Variants in ANKRD31 observed in about 807,000 individuals in gnomAD.
The protein encoded by ANKRD31 is ankyrin repeat domain 31, also known as ankyrin repeat domain-containing protein 31.
ANKRD31 carries 147 observed loss-of-function variants against 186.0 expected under a neutral mutation model. The ratio of observed to expected loss-of-function variants is 0.79; its 90% CI spans 0.69 to 0.91. ANKRD31 has a LOEUF of 0.91. ANKRD31 is among the 40% of genes least tolerant of loss of function. ANKRD31 has a pLI of 0.00. For synonymous variants in ANKRD31, 673 were observed against 736.4 expected, an observed-to-expected ratio of 0.91 and a Z score of 1.39; for missense variants, 1,986 against 2,148.8, an observed-to-expected ratio of 0.92 and a Z score of 1.50.
intron 25 of ANKRD31, among the ~76,000 whole-genome samples, chr5:75,078,554 G>A (rs1744841770): frequency 6.6e-6 from 1 of 152,018 alleles, no homozygotes; most frequent in Admixed American, 6.6e-5. Flanking sequence ...AAGACTTCAG[G>A]TGATACTTTT....
chr5:75,226,446 G>T (rs1757633714), intron 2 of ANKRD31, among the ~76,000 whole-genome samples: 1 of 152,130 alleles, frequency 6.6e-6, no homozygotes, highest in Admixed American at 6.5e-5. Context: ...AGTACTTTAG[G>T]TCTGTCCCAG....
intron 15 of ANKRD31, among the ~76,000 whole-genome samples, chr5:75,142,097 A>C (rs1339533562): frequency 6.6e-6 from 1 of 152,168 alleles, no homozygotes; most frequent in African/African-American, 2.4e-5. Flanking sequence ...TAATGCTATT[A>C]AATACTTAGA....
At chr5:75,115,580 C>T (rs1038073559) in intron 19 of ANKRD31, among the ~76,000 whole-genome samples, 1 of 151,476 alleles carries the variant, frequency 6.6e-6, no homozygotes, top group Non-Finnish European at 1.5e-5. Context: ...CAAACAACCC[C>T]ATCAAAAAGT....
At chr5:75,100,063 G>A (rs1316138502) in intron 22 of ANKRD31, among the ~76,000 whole-genome samples, 1 of 152,118 alleles carries the variant, frequency 6.6e-6, no homozygotes, top group Non-Finnish European at 1.5e-5. Context: ...GGCATTTAGT[G>A]CTATAAATTT....
chr5:75,124,209 A>G (rs1385249735), intron 17 of ANKRD31, among the ~76,000 whole-genome samples: 1 of 152,216 alleles, frequency 6.6e-6, no homozygotes, highest in Non-Finnish European at 1.5e-5. Context: ...TAATCATCAG[A>G]GAAATGTTAA....
At chr5:75,201,336 T>C (rs562080304) in intron 5 of ANKRD31, among the ~76,000 whole-genome samples, 9 of 152,218 alleles carry the variant, frequency 5.9e-5, no homozygotes, top group Non-Finnish European at 1.0e-4. Flanking sequence ...GAATTATTCC[T>C]GTCAACAAGT....
chr5:75,203,118 C>T (rs971560830), intron 5 of ANKRD31, among the ~76,000 whole-genome samples: 2 of 152,048 alleles, frequency 1.3e-5, no homozygotes, highest in South Asian at 4.1e-4. Context: ...GGCCATGTGG[C>T]ACTTTTGAAG....
At chr5:75,230,274 T>C (rs1757871103) in intron 2 of ANKRD31, among the ~76,000 whole-genome samples, 1 of 152,224 alleles carries the variant, frequency 6.6e-6, no homozygotes, top group Admixed American at 6.5e-5. Context: ...AACAATTATG[T>C]TACTTGTTTG....
intron 3 of ANKRD31, among the ~76,000 whole-genome samples, chr5:75,218,730 C>T (rs973183405): frequency 5.3e-5 from 8 of 152,098 alleles, no homozygotes; most frequent in African/African-American, 1.7e-4. Context: ...AATGTGAATT[C>T]GCACAACAAA....
intron 4 of ANKRD31, among the ~76,000 whole-genome samples, chr5:75,210,192 G>A (rs1017839790): frequency 2.0e-5 from 3 of 151,882 alleles, no homozygotes; most frequent in Admixed American, 6.6e-5. Context: ...TCTTGCTTTC[G>A]AGACAGAGTC....
At chr5:75,085,430 G>C (rs1992589) in intron 23 of ANKRD31, among the ~76,000 whole-genome samples, 13,178 of 151,498 alleles carry the variant, frequency 0.087, 1,491 homozygotes, top group African/African-American at 0.26. Flanking sequence ...GCAGCACACT[G>C]GCATGATCTT....
rs914809652 is a variant in ANKRD31 at position 75,092,083 on chromosome 5, G to A, written c.5332-682C>T. On this transcript the variant is annotated intron_variant, in intron 22 of 25. Coordinates refer to ENST00000506364, the MANE Select transcript of ANKRD31 (RefSeq NM_001372053.1). ...CCTCAGCTCCAGGGCCATGGCTCAG[G>A]GATTCTGCCTGAGAAGAGAAGCAAG... Among the ~76,000 whole-genome samples, 8 of 152,156 alleles carry A rather than the reference G, an allele frequency of 5.3e-5. 1 individual carries two copies. The highest frequency in any genetic ancestry group is 1.2e-4 in the Non-Finnish European group (8 of 68,032).
At chr5:75,143,327 A>G (rs947743393) in intron 15 of ANKRD31, among the ~76,000 whole-genome samples, 1 of 152,160 alleles carries the variant, frequency 6.6e-6, no homozygotes, top group Admixed American at 6.6e-5. Context: ...AATAGTCACA[A>G]ACTACAGGGA....
In ANKRD31 at chr5:75,145,992, T is replaced by A; in HGVS notation, c.3419A>T (p.Lys1140Ile). 1 of 1,476,834 alleles carries A rather than the reference T, an allele frequency of 6.8e-7. No homozygotes were observed. The highest frequency in any genetic ancestry group is 8.9e-7 in the Non-Finnish European group (1 of 1,120,660). 91.5% of individuals were successfully genotyped at this position (1,476,834 alleles called of 1,614,324 possible). A position where few individuals can be genotyped will look rare whatever the true frequency, so the allele number is the denominator to read the frequency against. The change falls in exon 14 of 26, where the codon AAA becomes ATA. Residue 1140 changes from lysine (K) to isoleucine (I), a missense_variant. Lys to Ile is a moderately radical substitution (Grantham distance 102). Transcript: ENST00000506364. The stretch of plus-strand genomic sequence containing the variant: ...TTAAGCAATATTACTAATACCTGGT[T>A]TGTGAGAAATTTCCTTCTTTTCTCT... ...SQREKKEISHKPDEELTNNIS... is the reference protein window; with the variant it reads ...SQREKKEISHIPDEELTNNIS...
chr5:75,115,100 G>A (rs1281125852), intron 19 of ANKRD31, among the ~76,000 whole-genome samples: 1 of 151,360 alleles, frequency 6.6e-6, no homozygotes, highest in Non-Finnish European at 1.5e-5. Flanking sequence ...CAGAAATAAC[G>A]CTGCATATCT....
At chr5:75,203,750 C>T (rs1480877679) in intron 5 of ANKRD31, among the ~76,000 whole-genome samples, 2 of 151,768 alleles carry the variant, frequency 1.3e-5, no homozygotes, top group East Asian at 3.9e-4. Flanking sequence ...TTATCCATGA[C>T]ACCTCTGTCT....
At chr5:75,166,578 T>C (rs1752941463) in intron 11 of ANKRD31, among the ~76,000 whole-genome samples, 1 of 152,142 alleles carries the variant, frequency 6.6e-6, no homozygotes, top group South Asian at 2.1e-4. Context: ...AATCCCCAAA[T>C]CAATGCCAAC....
chr5:75,190,518 C>T (rs990624366), intron 9 of ANKRD31, among the ~76,000 whole-genome samples: 1 of 151,994 alleles, frequency 6.6e-6, no homozygotes. Flanking sequence ...GTAGAATTCA[C>T]CTCTGAAGGT....
rs1387291625 is a variant in ANKRD31 at position 75,195,600 on chromosome 5, G to C, written c.1017+31C>G. 2.1e-6 allele frequency: 3 copies of C among 1,457,588 alleles called. No individual in the cohort carries two copies. The African/African-American group carries it at 4.2e-5, about 21-fold the overall frequency. 90.3% of individuals were successfully genotyped at this position (1,457,588 alleles called of 1,614,324 possible). A position where few individuals can be genotyped will look rare whatever the true frequency, so the allele number is the denominator to read the frequency against. ...GCTAACTTGGAACCATGTTCAAATG[G>C]TGGAGTAGAACAAAGAAATTCAAAA... On this transcript the variant is annotated intron_variant, in intron 7 of 25. Coordinates refer to ENST00000506364, the MANE Select transcript of ANKRD31 (RefSeq NM_001372053.1).
Sources: gnomAD v4.1 joint callset for allele counts (sites outside exome capture counted in the v4.1 genomes callset) on GRCh38, gnomAD v4.1.1 for gene constraint, MANE v1.5 for transcripts, NCBI Gene and HGNC (gene_info 2026-07-23, HGNC 2026-07-21) for gene names.